Variants in MELK observed in about 807,000 individuals in gnomAD.
The protein encoded by MELK is maternal embryonic leucine zipper kinase.
A neutral mutation model predicts 85.0 loss-of-function variants in MELK; 81 were observed. That is an observed-to-expected ratio of 0.95 (90% CI 0.80 to 1.15). The LOEUF (loss-of-function observed/expected upper bound fraction) is 1.15, where lower values mean the gene tolerates loss of function less well. Among genes scored for constraint, MELK ranks in the 50% most tolerant of loss-of-function variants. The pLI, the probability that MELK is intolerant of heterozygous loss-of-function variation, is 0.00. For synonymous variants in MELK, 252 were observed against 265.0 expected (o/e 0.95, Z 0.48); for missense variants, 754 against 777.5 (o/e 0.97, Z 0.36).
chr9:36,662,885 C>T (rs1350362018), intron 13 of MELK, among the ~76,000 whole-genome samples: 3 of 152,142 alleles, frequency 2.0e-5, no homozygotes, highest in African/African-American at 7.2e-5. Flanking sequence ...CCAGGGAACA[C>T]ACCATCTGTG....
chr9:36,613,973 G>A (rs1826290219), intron 8 of MELK, among the ~76,000 whole-genome samples: 1 of 152,244 alleles, frequency 6.6e-6, no homozygotes, highest in East Asian at 1.9e-4. Context: ...GATCACACTG[G>A]CTGCTATGTG....
intron 8 of MELK, among the ~76,000 whole-genome samples, chr9:36,615,890 G>C (rs1439204036): frequency 2.0e-5 from 3 of 150,182 alleles, no homozygotes; most frequent in East Asian, 4.0e-4. Flanking sequence ...CAGGCAGAGG[G>C]GCTCCTCACA....
intron 4 of MELK, among the ~76,000 whole-genome samples, chr9:36,594,421 C>T (rs921742833): frequency 2.0e-5 from 3 of 152,040 alleles, no homozygotes; most frequent in African/African-American, 2.4e-5. Flanking sequence ...TAAAACTGTT[C>T]GAAGAAAGAG....
chr9:36,580,396 T>C (rs2134931725), intron 1 of MELK, among the ~76,000 whole-genome samples: 1 of 152,184 alleles, frequency 6.6e-6, no homozygotes, highest in South Asian at 2.1e-4. Context: ...CTCAGCTTAC[T>C]GCAACCTCCG....
In MELK at chr9:36,642,999, TATTCACCTCG is replaced by T. The variant is rs775153995; in HGVS notation, c.840_849del (p.Ile280MetfsTer5). The T allele has an allele frequency of 2.5e-6, 4 of 1,602,724 alleles. No individual in the cohort carries two copies. Among genetic ancestry groups the T allele is most frequent in the South Asian group, 2.3e-5 (2 of 87,792 alleles). On this transcript the variant is annotated frameshift_variant, in exon 11 of 18. Coordinates refer to ENST00000298048, the MANE Select transcript of MELK (RefSeq NM_014791.4). LOFTEE classifies it high-confidence loss of function. ...AAGTGCATAATTTTTTTTTGTAGTT[TATTCACCTCG>T]ATGATGATTGCGTAACAGAACTTTC...
chr9:36,614,174 C>T (rs1288435385), intron 8 of MELK, among the ~76,000 whole-genome samples: 1 of 150,964 alleles, frequency 6.6e-6, no homozygotes, highest in South Asian at 2.1e-4. Context: ...TGGCTCACTG[C>T]AACCTCCGCC....
At chr9:36,647,939 T>A (rs1337242189) in intron 11 of MELK, among the ~76,000 whole-genome samples, 1 of 152,208 alleles carries the variant, frequency 6.6e-6, no homozygotes, top group African/African-American at 2.4e-5. Flanking sequence ...CGTGGCCATC[T>A]AAGTTATTAA....
intron 4 of MELK, 134 bp from the exon 5 acceptor site, chr9:36,594,494 A>G: frequency 1.1e-6 from 1 of 932,504 alleles, no homozygotes; most frequent in Non-Finnish European, 1.6e-6. Context: ...ACTTTTGAAT[A>G]TACCTTACTC....
intron 14 of MELK, among the ~76,000 whole-genome samples, chr9:36,668,319 A>T (rs570245514): frequency 6.6e-5 from 10 of 152,302 alleles, no homozygotes; most frequent in African/African-American, 2.4e-4. Context: ...CTCTTTTAAA[A>T]TTTTGATATT....
At chr9:36,663,944 A>G (rs772174382) in intron 13 of MELK, among the ~76,000 whole-genome samples, 3 of 152,234 alleles carry the variant, frequency 2.0e-5, no homozygotes, top group African/African-American at 7.2e-5. Context: ...CATACTATGT[A>G]TATCTGGAAC....
At chr9:36,636,782 T>TTCTTTCTTTCTTTCTGTCTGTCTG (rs71494635) in intron 10 of MELK, among the ~76,000 whole-genome samples, 193 of 107,650 alleles carry the variant, frequency 1.8e-3, no homozygotes, top group Middle Eastern at 4.3e-3. Flanking sequence ...CTTTCTTTCT[T>TTCTTTCTTTCTTTCTGTCTGTCTG]TCTGTCTGTC....
chr9:36,644,028 C>T (rs1830008627), intron 11 of MELK, among the ~76,000 whole-genome samples: 1 of 151,758 alleles, frequency 6.6e-6, no homozygotes. Flanking sequence ...TAACATGCAA[C>T]TGGGTTTCTG....
intron 7 of MELK, among the ~76,000 whole-genome samples, chr9:36,604,394 G>C (rs1825269862): frequency 6.9e-6 from 1 of 144,986 alleles, no homozygotes; most frequent in African/African-American, 2.6e-5. Flanking sequence ...TTCTCATTGG[G>C]TTCAGGCGAT....
chr9:36,660,308 A>G (rs1831664283), intron 13 of MELK, among the ~76,000 whole-genome samples: 1 of 152,072 alleles, frequency 6.6e-6, no homozygotes, highest in Non-Finnish European at 1.5e-5. Context: ...AATGTGCAAC[A>G]ATTGCCTGTA....
In MELK at chr9:36,665,587, T is replaced by G. The variant is rs765007128; in HGVS notation, c.1408+6T>G. On this transcript the variant is annotated splice_donor_region_variant and intron_variant, in intron 14 of 17. Transcript: ENST00000298048. The stretch of plus-strand genomic sequence containing the variant: ...TTACACTACACCCTCAAAAGGTATT[T>G]GCTAAGTGAATTAAGCAGTAAGAAG... 6 of 1,595,704 alleles carry G rather than the reference T, an allele frequency of 3.8e-6. No individual in the cohort carries two copies. The South Asian group carries it at 5.6e-5, about 15-fold the overall frequency.
At chr9:36,655,195 A>G (rs1452153699) in intron 12 of MELK, among the ~76,000 whole-genome samples, 4 of 152,232 alleles carry the variant, frequency 2.6e-5, no homozygotes, top group East Asian at 3.8e-4. Context: ...ATATATATAC[A>G]TAGATAATAC....
intron 8 of MELK, among the ~76,000 whole-genome samples, chr9:36,629,456 C>T (rs1828293660): frequency 6.6e-6 from 1 of 152,114 alleles, no homozygotes; most frequent in Non-Finnish European, 1.5e-5. Context: ...TATACATTTG[C>T]CTTCTTAGTC....
intron 8 of MELK, among the ~76,000 whole-genome samples, chr9:36,612,007 G>C (rs1048006078): frequency 6.6e-6 from 1 of 151,856 alleles, no homozygotes; most frequent in Non-Finnish European, 1.5e-5. Context: ...TCCTCACCTC[G>C]TGATCTGCGC....
At chr9:36,592,236 G>T (rs181680971) in intron 4 of MELK, among the ~76,000 whole-genome samples, 1 of 148,574 alleles carries the variant, frequency 6.7e-6, no homozygotes, top group Non-Finnish European at 1.5e-5. Flanking sequence ...GTGCAATGGC[G>T]TAACCTTGGC....
Sources: allele counts gnomAD v4.1 joint callset (sites outside exome capture counted in the v4.1 genomes callset), GRCh38; gene constraint gnomAD v4.1.1; transcripts MANE v1.5; gene names NCBI Gene and HGNC (gene_info 2026-07-23, HGNC 2026-07-21).